MACROD2: variants seen among roughly 807,000 people sequenced by gnomAD.
MACROD2 encodes the protein mono-ADP ribosylhydrolase 2.
Under a neutral mutation model 70.4 loss-of-function variants are expected in MACROD2, and 36 were observed. The ratio of observed to expected loss-of-function variants is 0.51; its 90% CI spans 0.39 to 0.68. The LOEUF is 0.68. MACROD2 is among the 30% of genes least tolerant of loss of function. The pLI is 0.00. For synonymous variants in MACROD2, 172 were observed against 178.8 expected (o/e 0.96, Z 0.30); for missense variants, 496 against 538.4 (o/e 0.92, Z 0.78).
At chr20:14,987,127 CT>C (rs2074856703) in intron 5 of MACROD2, among the ~76,000 whole-genome samples, 1 of 152,090 alleles carries the variant, frequency 6.6e-6, no homozygotes, top group South Asian at 2.1e-4. Context: ...AATTTCATTT[CT>C]TTTTATGGTC....
intron 10 of MACROD2, among the ~76,000 whole-genome samples, chr20:15,904,957 T>C (rs964250025): frequency 1.3e-5 from 2 of 151,206 alleles, no homozygotes; most frequent in Non-Finnish European, 2.9e-5. Context: ...AGGAAAATAG[T>C]TGCAAGCTAA....
intron 5 of MACROD2, among the ~76,000 whole-genome samples, chr20:15,221,868 A>G (rs1053467074): frequency 1.3e-5 from 2 of 152,232 alleles, no homozygotes. Context: ...TTTCCAGTTG[A>G]GCTGAAAGTA....
At chr20:14,707,503 T>G (rs2071283692) in intron 5 of MACROD2, among the ~76,000 whole-genome samples, 1 of 152,146 alleles carries the variant, frequency 6.6e-6, no homozygotes, top group South Asian at 2.1e-4. Context: ...TCCATTGCTG[T>G]CTTAATTTCC....
At chr20:15,301,537 G>C (rs898240650) in intron 6 of MACROD2, among the ~76,000 whole-genome samples, 1 of 148,078 alleles carries the variant, frequency 6.8e-6, no homozygotes, top group African/African-American at 2.5e-5. Context: ...GTCACTGAAG[G>C]TATTTAAGAA....
intron 3 of MACROD2, among the ~76,000 whole-genome samples, chr20:14,375,605 G>A (rs983195450): frequency 6.6e-6 from 1 of 152,170 alleles, no homozygotes; most frequent in Admixed American, 6.6e-5. Flanking sequence ...GTGAAACAGA[G>A]ATTGGCAGCT....
At chr20:14,327,190 A>T in intron 3 of MACROD2, 1 of 1,613,678 alleles carries the variant, frequency 6.2e-7, no homozygotes, top group Non-Finnish European at 8.5e-7. Flanking sequence ...TAACTCTTTT[A>T]CATACTTTGG....
chr20:14,012,972 C>T (rs772875459), intron 2 of MACROD2, among the ~76,000 whole-genome samples: 1 of 152,030 alleles, frequency 6.6e-6, no homozygotes. Context: ...GACTGAATGG[C>T]GCCATGTATG....
intron 5 of MACROD2, among the ~76,000 whole-genome samples, chr20:14,990,569 A>G (rs779921980): frequency 4.2e-5 from 6 of 144,434 alleles, no homozygotes; most frequent in Non-Finnish European, 6.0e-5. Context: ...GCTGGAGTGC[A>G]ATGGCGCGAT....
chr20:15,773,194 CT>C (rs2051665998), intron 8 of MACROD2, among the ~76,000 whole-genome samples: 1 of 152,046 alleles, frequency 6.6e-6, no homozygotes, highest in African/African-American at 2.4e-5. Context: ...TAATGATTAT[CT>C]TGTCTACAAA....
chr20:14,604,503 G>A (rs1982681225), intron 4 of MACROD2, among the ~76,000 whole-genome samples: 1 of 152,174 alleles, frequency 6.6e-6, no homozygotes, highest in South Asian at 2.1e-4. Flanking sequence ...AACTAGGATA[G>A]CATTGTGGCA....
intron 8 of MACROD2, among the ~76,000 whole-genome samples, chr20:15,683,101 C>T (rs2050182084): frequency 6.6e-6 from 1 of 152,182 alleles, no homozygotes; most frequent in African/African-American, 2.4e-5. Context: ...AAAGGCCATG[C>T]ATTGCTTGTC....
chr20:15,642,600 AC>A (rs2049477923), intron 8 of MACROD2, among the ~76,000 whole-genome samples: 2 of 140 alleles, frequency 0.014, no homozygotes, highest in Non-Finnish European at 0.028. Context: ...TGTCATGAAC[AC>A]ACACACACAC....
At chr20:15,079,144 A>G (rs1167460749) in intron 5 of MACROD2, among the ~76,000 whole-genome samples, 6 of 152,132 alleles carry the variant, frequency 3.9e-5, no homozygotes, top group African/African-American at 1.4e-4. Flanking sequence ...AAAAGAATCA[A>G]CTTCTTTGAA....
chr20:14,642,387 G>A (rs1037464033), intron 4 of MACROD2, among the ~76,000 whole-genome samples: 2 of 152,180 alleles, frequency 1.3e-5, no homozygotes, highest in African/African-American at 4.8e-5. Context: ...GTTCACTGGA[G>A]TAGCACTTAT....
chr20:15,035,055 A>C (rs990928818), intron 5 of MACROD2, among the ~76,000 whole-genome samples: 1 of 152,138 alleles, frequency 6.6e-6, no homozygotes, highest in Non-Finnish European at 1.5e-5. Context: ...AGGATTCAAG[A>C]AGCCCATTTT....
intron 5 of MACROD2, among the ~76,000 whole-genome samples, chr20:14,711,573 A>G (rs1465035502): frequency 6.6e-6 from 1 of 152,182 alleles, no homozygotes; most frequent in African/African-American, 2.4e-5. Context: ...GTCCACATTC[A>G]TCTTGGGGCT....
At chr20:14,797,479 T>C (rs1420830631) in intron 5 of MACROD2, among the ~76,000 whole-genome samples, 1 of 152,024 alleles carries the variant, frequency 6.6e-6, no homozygotes, top group Non-Finnish European at 1.5e-5. Flanking sequence ...TTCTGGACTA[T>C]GCCAAGCCCC....
intron 4 of MACROD2, among the ~76,000 whole-genome samples, chr20:14,636,933 A>G (rs188939429): frequency 1.3e-4 from 20 of 152,336 alleles, no homozygotes; most frequent in African/African-American, 4.8e-4. Context: ...TGGAAAGGTA[A>G]AACACATATG....
At chr20:14,214,912 G>T (rs1423183902) in intron 3 of MACROD2, among the ~76,000 whole-genome samples, 1 of 151,462 alleles carries the variant, frequency 6.6e-6, no homozygotes, top group Non-Finnish European at 1.5e-5. Flanking sequence ...TCTCATTCAG[G>T]TCACTGCAAA....
Sources: allele counts gnomAD v4.1 joint callset (sites outside exome capture counted in the v4.1 genomes callset), GRCh38; gene constraint gnomAD v4.1.1; transcripts MANE v1.5; gene names NCBI Gene and HGNC (gene_info 2026-07-23, HGNC 2026-07-21).